Variants in RIMS2 observed in about 807,000 individuals in gnomAD.
RIMS2 encodes regulating synaptic membrane exocytosis 2.
A neutral mutation model predicts 174.4 loss-of-function variants in RIMS2; 59 were observed. The ratio of observed to expected loss-of-function variants is 0.34; its 90% CI spans 0.27 to 0.42. RIMS2 has a LOEUF of 0.42. Ranked by LOEUF, RIMS2 falls within the 10% of genes least tolerant of loss-of-function variation. The pLI is 1.00. For missense variants in RIMS2, 1,620 were observed against 1,666.3 expected (o/e 0.97, Z 0.48); for synonymous variants, 606 against 572.5 (o/e 1.06, Z -0.84).
At chr8:103,752,395 G>C (rs1211043832) in intron 2 of RIMS2, among the ~76,000 whole-genome samples, 1 of 152,126 alleles carries the variant, frequency 6.6e-6, no homozygotes, top group Non-Finnish European at 1.5e-5. Flanking sequence ...GATGCCTCCA[G>C]CTTTGTTCTT....
intron 3 of RIMS2, among the ~76,000 whole-genome samples, chr8:103,803,992 A>G (rs1416575866): frequency 6.6e-6 from 1 of 152,194 alleles, no homozygotes; most frequent in African/African-American, 2.4e-5. Context: ...CATTTAAACC[A>G]TACTTGGACT....
At chr8:103,832,023 C>CT (rs1424810946) in intron 3 of RIMS2, among the ~76,000 whole-genome samples, 2 of 152,076 alleles carry the variant, frequency 1.3e-5, no homozygotes, top group African/African-American at 4.8e-5. Flanking sequence ...ATGTCTTTTC[C>CT]TTTTTTTGTC....
chr8:103,756,171 C>G (rs2139956259), intron 2 of RIMS2, among the ~76,000 whole-genome samples: 1 of 152,246 alleles, frequency 6.6e-6, no homozygotes, highest in East Asian at 1.9e-4. Context: ...AGTTTTCCTA[C>G]TAGCAGTCAG....
intron 4 of RIMS2, 82 bp downstream of exon 7, chr8:103,886,305 T>A: frequency 8.7e-7 from 1 of 1,143,610 alleles, no homozygotes; most frequent in Non-Finnish European, 1.2e-6. Context: ...AGTGAAAATT[T>A]AATAGGTATT....
chr8:103,676,592 T>C (rs979546047), intron 1 of RIMS2, among the ~76,000 whole-genome samples: 3 of 150,520 alleles, frequency 2.0e-5, no homozygotes, highest in African/African-American at 7.4e-5. Context: ...TTTTTTTTTT[T>C]AATAAAGAGG....
At chr8:103,754,580 C>T (rs540339911) in intron 2 of RIMS2, among the ~76,000 whole-genome samples, 1 of 152,106 alleles carries the variant, frequency 6.6e-6, no homozygotes. Flanking sequence ...CTTTGTAGGT[C>T]TCTAAGGACT....
At chr8:104,054,510 T>A (rs564569480) in intron 19 of RIMS2, among the ~76,000 whole-genome samples, 2 of 152,232 alleles carry the variant, frequency 1.3e-5, no homozygotes, top group African/African-American at 4.8e-5. Context: ...ATAAAAAAAA[T>A]TTAGCGAAAT....
intron 1 of RIMS2, among the ~76,000 whole-genome samples, chr8:103,607,073 G>T (rs1380211107): frequency 6.6e-6 from 1 of 151,936 alleles, no homozygotes; most frequent in Admixed American, 6.6e-5. Context: ...TTGCTCGTTA[G>T]TTGATGCAGT....
At chr8:103,630,580 CAAA>C (rs61194218) in intron 1 of RIMS2, among the ~76,000 whole-genome samples, 16,031 of 86,540 alleles carry the variant, frequency 0.19, 806 homozygotes, top group Non-Finnish European at 0.23. Flanking sequence ...AACTCCATCT[CAAA>C]AAAAAAAAAA....
At position 103,953,468 on chromosome 8, in the gene RIMS2, T is replaced by C. The variant is rs369446368; in HGVS notation, c.2702-7597T>C. On this transcript the variant is annotated intron_variant, in intron 14 of 23. Coordinates refer to ENST00000504942, the Ensembl canonical transcript of RIMS2. Reference sequence around the variant, plus strand: ...TATTCAACATTCTTAAAGAAAGGATTTTTCAAGCCAGATTTTCATATCCAG... The same window carrying C: ...TATTCAACATTCTTAAAGAAAGGATCTTTCAAGCCAGATTTTCATATCCAG... 3.1e-4 allele frequency among the ~76,000 whole-genome samples: 47 copies of C among 152,252 alleles called. No individual in the cohort carries two copies. The East Asian group carries it at 5.8e-3, about 19-fold the overall frequency.
intron 1 of RIMS2, among the ~76,000 whole-genome samples, chr8:103,630,006 G>C (rs6980714): frequency 6.6e-6 from 1 of 151,716 alleles, no homozygotes; most frequent in African/African-American, 2.4e-5. Flanking sequence ...AAAATTTTAA[G>C]AAATATGAGC....
chr8:103,650,656 T>C (rs2096435189), intron 1 of RIMS2, among the ~76,000 whole-genome samples: 1 of 152,172 alleles, frequency 6.6e-6, no homozygotes, highest in Non-Finnish European at 1.5e-5. Context: ...AGGAATGAAT[T>C]GGGTTCCACT....
At chr8:103,688,906 G>C (rs2096976815) in intron 1 of RIMS2, among the ~76,000 whole-genome samples, 1 of 151,774 alleles carries the variant, frequency 6.6e-6, no homozygotes, top group South Asian at 2.1e-4. Flanking sequence ...GGCTTAGTTT[G>C]TTCTTCTTTT....
At chr8:103,934,192 A>T (rs188971874) in intron 12 of RIMS2, among the ~76,000 whole-genome samples, 111 of 152,300 alleles carry the variant, frequency 7.3e-4, no homozygotes, top group African/African-American at 2.6e-3. Flanking sequence ...GTGAAAATAA[A>T]TTTTTAAAAA....
At chr8:103,623,047 A>G (rs898905247) in intron 1 of RIMS2, among the ~76,000 whole-genome samples, 2 of 152,214 alleles carry the variant, frequency 1.3e-5, no homozygotes, top group Non-Finnish European at 2.9e-5. Flanking sequence ...TGTTTGTTCC[A>G]TAAGACAGTC....
chr8:104,180,571 C>G (rs1022120913), intron 19 of RIMS2, among the ~76,000 whole-genome samples: 3 of 151,396 alleles, frequency 2.0e-5, no homozygotes, highest in Non-Finnish European at 3.0e-5. Context: ...TTTTTCCTTC[C>G]CAACCCCAAA....
At chr8:103,800,552 TTG>T (rs1476434077) in intron 3 of RIMS2, among the ~76,000 whole-genome samples, 3 of 152,234 alleles carry the variant, frequency 2.0e-5, no homozygotes, top group Non-Finnish European at 4.4e-5. Context: ...CTATGAAATT[TTG>T]TCATTTGCTT....
At chr8:104,038,678 A>G (rs1240172223) in intron 19 of RIMS2, among the ~76,000 whole-genome samples, 1 of 151,872 alleles carries the variant, frequency 6.6e-6, no homozygotes, top group Non-Finnish European at 1.5e-5. Context: ...CTTACAGCAT[A>G]TTATCATTTG....
intron 19 of RIMS2, among the ~76,000 whole-genome samples, chr8:104,194,859 C>A (rs1255691245): frequency 6.6e-6 from 1 of 152,152 alleles, no homozygotes; most frequent in Non-Finnish European, 1.5e-5. Flanking sequence ...GAGGACATGC[C>A]AGGTACCCCA....
Sources: allele counts gnomAD v4.1 joint callset (sites outside exome capture counted in the v4.1 genomes callset), GRCh38; gene constraint gnomAD v4.1.1; transcripts MANE v1.5; gene names NCBI Gene and HGNC (gene_info 2026-07-23, HGNC 2026-07-21).